KIRREL1: variants seen among roughly 807,000 people sequenced by gnomAD.
KIRREL1 encodes the protein kirre like nephrin family adhesion molecule 1, also known as kin of IRRE-like protein 1.
Under a neutral mutation model 83.3 loss-of-function variants are expected in KIRREL1, and 25 were observed. That is an observed-to-expected ratio of 0.30 (90% CI 0.22 to 0.42). The LOEUF is 0.42. Ranked by LOEUF, KIRREL1 falls within the 10% of genes least tolerant of loss-of-function variation. The pLI, the probability that KIRREL1 is intolerant of heterozygous loss-of-function variation, is 1.00. For missense variants in KIRREL1, 812 were observed against 1,032.3 expected, an observed-to-expected ratio of 0.79 and a Z score of 2.92; for synonymous variants, 388 against 410.4, an observed-to-expected ratio of 0.95 and a Z score of 0.66.
chr1:158,094,605 G>A lies in KIRREL1; in HGVS notation c.1798-39G>A. On this transcript the variant is annotated intron_variant, in intron 14 of 14. Coordinates refer to ENST00000359209, the MANE Select transcript of KIRREL1 (RefSeq NM_018240.7). This position sits in a 1 kb window ranked among gnomAD's most constrained non-coding sequence, Gnocchi z 4.6. ...GGTGAGACTTGATCCCCACCCAAGA[G>A]GGAACACTGCCTCCATCCTCTTCTC... The A allele has an allele frequency of 6.6e-7, 1 of 1,515,080 alleles. No homozygotes were observed. Among genetic ancestry groups the A allele is most frequent in the Middle Eastern group, 1.7e-4 (1 of 5,756 alleles). 93.9% of individuals were successfully genotyped at this position (1,515,080 alleles called of 1,614,324 possible).
In KIRREL1 at chr1:158,094,960, G is replaced by A. The variant is rs377758773; in HGVS notation, c.2114G>A (p.Arg705Gln). The change falls in exon 15 of 15, where the codon CGA becomes CAA. Residue 705 changes from arginine (R) to glutamine (Q), a missense_variant. This residue lies in a region of KIRREL1 where 334 missense variants were observed against 383.7 expected (regional missense o/e 0.87). Coordinates refer to ENST00000359209, the MANE Select transcript of KIRREL1 (RefSeq NM_018240.7). This position sits in a 1 kb window ranked among gnomAD's most constrained non-coding sequence, Gnocchi z 4.6. Reference sequence around the variant, plus strand: ...GGGGCAGCTGGGTACCCCACCTACCGACTGGGCTACCCCCAGGCCCCACCC... The same window carrying A: ...GGGGCAGCTGGGTACCCCACCTACCAACTGGGCTACCCCCAGGCCCCACCC... ...FPGAAGYPTYRLGYPQAPPSG... is the reference protein window; with the variant it reads ...FPGAAGYPTYQLGYPQAPPSG... 18 of 1,613,780 alleles carry A rather than the reference G, an allele frequency of 1.1e-5. No individual in the cohort carries two copies. Among genetic ancestry groups the A allele is most frequent in the African/African-American group, 9.3e-5 (7 of 74,888 alleles).
At position 158,089,521 on chromosome 1, in the gene KIRREL1, AGCT is replaced by A; in HGVS notation, c.1072_1074del (p.Leu358del). 1 of 1,614,162 alleles carries A rather than the reference AGCT, an allele frequency of 6.2e-7. No individual in the cohort carries two copies. The highest frequency in any genetic ancestry group is 1.1e-5 in the South Asian group (1 of 91,084). On this transcript the variant is annotated inframe_deletion, in exon 9 of 15. Transcript: ENST00000359209. ...GCCCAGGTCCTGAGTAACAGCAACCAGCTGCTGCTGAAGTCGGTGACTCAGGCA... is the reference window on the plus strand; with the variant it reads ...GCCCAGGTCCTGAGTAACAGCAACCAGCTGCTGAAGTCGGTGACTCAGGCA...
At chr1:158,036,106 T>C (rs969392929) in intron 1 of KIRREL1, among the ~76,000 whole-genome samples, 9 of 152,092 alleles carry the variant, frequency 5.9e-5, no homozygotes, top group African/African-American at 2.2e-4. Flanking sequence ...AGTGTTGTAG[T>C]TTGTTTGTGT....
intron 1 of KIRREL1, among the ~76,000 whole-genome samples, chr1:158,070,695 G>A (rs1450644126): frequency 6.6e-6 from 1 of 152,164 alleles, no homozygotes; most frequent in African/African-American, 2.4e-5. Flanking sequence ...TTTGCCTTAT[G>A]GGGTGTGTGT....
intron 1 of KIRREL1, among the ~76,000 whole-genome samples, chr1:158,059,191 T>C (rs1217341809): frequency 6.6e-6 from 1 of 152,006 alleles, no homozygotes; most frequent in Non-Finnish European, 1.5e-5. Context: ...CAAACTGGAG[T>C]CCTTTCACTT....
At chr1:158,020,262 C>G (rs1050935524) in intron 1 of KIRREL1, among the ~76,000 whole-genome samples, 7 of 152,092 alleles carry the variant, frequency 4.6e-5, no homozygotes, top group African/African-American at 9.7e-5. Context: ...CCATACCTAG[C>G]TAACACTGCT....
At chr1:158,025,233 G>C (rs1660134395) in intron 1 of KIRREL1, among the ~76,000 whole-genome samples, 1 of 152,190 alleles carries the variant, frequency 6.6e-6, no homozygotes, top group Non-Finnish European at 1.5e-5. Flanking sequence ...TGCATGCACA[G>C]ATTTCTTTCA....
At position 158,093,376 on chromosome 1, in the gene KIRREL1, C is replaced by T. The variant is rs574141803; in HGVS notation, c.1509C>T (p.Ile503=). 88 of 1,614,222 alleles carry T rather than the reference C, an allele frequency of 5.5e-5. No homozygotes were observed. The highest frequency in any genetic ancestry group is 1.7e-4 in the African/African-American group (13 of 75,066). ...TGGGCATCATAGCTGGGGCCACCATCGGCGCGAGCATCCTGCTCATCTTCT... is the reference window on the plus strand; with the variant it reads ...TGGGCATCATAGCTGGGGCCACCATTGGCGCGAGCATCCTGCTCATCTTCT... The part of the protein sequence containing the change: ...LPVGIIAGAT[I]GASILLIFFF... The change falls in exon 12 of 15, where the codon ATC becomes ATT. Residue 503 remains isoleucine, a synonymous_variant. Transcript: ENST00000359209.
intron 1 of KIRREL1, among the ~76,000 whole-genome samples, chr1:158,034,359 C>G (rs891101028): frequency 6.6e-6 from 1 of 151,886 alleles, no homozygotes; most frequent in Non-Finnish European, 1.5e-5. Context: ...CCCATAGATT[C>G]CCCTTTCCCA....
Position 158,089,320 on chromosome 1 carries a change from T to A in KIRREL1, c.1045-182T>A. 5 of 819,336 alleles carry A rather than the reference T, an allele frequency of 6.1e-6. No individual in the cohort carries two copies. In the South Asian group the frequency reaches 9.0e-5, roughly 15 times the overall value. The allele number at this position is 819,336 out of a possible 1,614,324, so 50.8% of individuals were successfully genotyped here. On this transcript the variant is annotated intron_variant, in intron 8 of 14. Coordinates refer to ENST00000359209, the MANE Select transcript of KIRREL1 (RefSeq NM_018240.7). ...CCCACACCTGCAGAGATGGTGTGTT[T>A]ACGTGCCAACCTGTGTAGAGTCAGA...
chr1:158,059,648 T>C (rs146999043), intron 1 of KIRREL1, among the ~76,000 whole-genome samples: 1 of 152,186 alleles, frequency 6.6e-6, no homozygotes, highest in African/African-American at 2.4e-5. Context: ...AATACTCACC[T>C]GGGGTGTGGG....
chr1:158,093,367 G>A lies in KIRREL1; in HGVS notation c.1500G>A (p.Gly500=), dbSNP rs1392369305. Residue 500 remains glycine, a synonymous_variant, in exon 12 of 15, where the codon GGG becomes GGA. Transcript: ENST00000359209. ...REVLPVGIIA[G]ATIGASILLI... ...TGTTACCTGTGGGCATCATAGCTGGGGCCACCATCGGCGCGAGCATCCTGC... is the reference window on the plus strand; with the variant it reads ...TGTTACCTGTGGGCATCATAGCTGGAGCCACCATCGGCGCGAGCATCCTGC... 6 of 1,614,098 alleles carry A rather than the reference G, an allele frequency of 3.7e-6. No homozygotes were observed. Among genetic ancestry groups the A allele is most frequent in the East Asian group, 4.5e-5 (2 of 44,888 alleles).
At chr1:158,055,209 G>A (rs1377061775) in intron 1 of KIRREL1, among the ~76,000 whole-genome samples, 1 of 152,028 alleles carries the variant, frequency 6.6e-6, no homozygotes, top group Non-Finnish European at 1.5e-5. Context: ...GAAGGTGGGA[G>A]CATGGAAAGA....
intron 1 of KIRREL1, among the ~76,000 whole-genome samples, chr1:157,994,167 G>C (rs980946754): frequency 1.3e-5 from 2 of 152,182 alleles, no homozygotes; most frequent in East Asian, 1.9e-4. Flanking sequence ...GAAAAGCTGG[G>C]TCCCACCTCC....
In KIRREL1 at chr1:158,096,335, G is replaced by C. The variant is rs539924025; in HGVS notation, c.*1215G>C. ...CAGTTGGTTGGAGGCCACCTTCCAG[G>C]GGGTATGGGAGACAGGTTTTGGTTT... On this transcript the variant is annotated 3_prime_UTR_variant, in exon 15 of 15. Transcript: ENST00000359209. 19 of 349,650 alleles carry C rather than the reference G, an allele frequency of 5.4e-5. No individual in the cohort carries two copies. The East Asian group carries it at 9.8e-4, about 18-fold the overall frequency. 21.7% of individuals were successfully genotyped at this position (349,650 alleles called of 1,614,324 possible). A position where few individuals can be genotyped will look rare whatever the true frequency, so the allele number is the denominator to read the frequency against.
intron 1 of KIRREL1, among the ~76,000 whole-genome samples, chr1:158,029,495 G>T (rs75534359): frequency 6.6e-6 from 1 of 152,182 alleles, no homozygotes; most frequent in Non-Finnish European, 1.5e-5. Flanking sequence ...TGGTTAGAAG[G>T]TGAATAGTTA....
chr1:158,080,567 G>C (rs1661818670), intron 3 of KIRREL1, among the ~76,000 whole-genome samples: 1 of 152,268 alleles, frequency 6.6e-6, no homozygotes, highest in East Asian at 1.9e-4. Flanking sequence ...GAGAGAACAG[G>C]GAGAGACCCC....
intron 1 of KIRREL1, among the ~76,000 whole-genome samples, chr1:158,010,173 A>G (rs544542208): frequency 1.3e-5 from 2 of 152,200 alleles, no homozygotes; most frequent in East Asian, 3.9e-4. Context: ...GATTTGGTTT[A>G]TAAGCCAAGG....
intron 1 of KIRREL1, among the ~76,000 whole-genome samples, chr1:158,038,091 C>T (rs1365436749): frequency 6.6e-6 from 1 of 152,204 alleles, no homozygotes; most frequent in African/African-American, 2.4e-5. Flanking sequence ...CTCAGGCCTG[C>T]CACCCATCTG....
Sources: allele counts gnomAD v4.1 joint callset (sites outside exome capture counted in the v4.1 genomes callset), GRCh38; gene constraint gnomAD v4.1.1; regional missense constraint gnomAD v4.1.1; non-coding constraint Gnocchi (gnomAD v3.1); transcripts MANE v1.5; gene names NCBI Gene and HGNC (gene_info 2026-07-23, HGNC 2026-07-21).